The following LCLAT1 variants were observed in gnomAD, a reference collection of about 807,000 sequenced individuals.
The protein encoded by LCLAT1 is 1-AGP acyltransferase 8.
Under a neutral mutation model 30.7 loss-of-function variants are expected in LCLAT1, and 11 were observed. The observed-to-expected ratio is 0.36, with a 90% CI of 0.23 to 0.59. The LOEUF (loss-of-function observed/expected upper bound fraction) is 0.59. LCLAT1 is among the 20% of genes least tolerant of loss of function. The pLI, the probability that LCLAT1 is intolerant of heterozygous loss-of-function variation, is 0.77. For missense variants in LCLAT1, 402 were observed against 458.6 expected (o/e 0.88, Z 1.13); for synonymous variants, 155 against 151.3 (o/e 1.02, Z -0.18).
intron 5 of LCLAT1, among the ~76,000 whole-genome samples, chr2:30,570,174 C>T (rs1665720106): frequency 6.6e-6 from 1 of 152,116 alleles, no homozygotes; most frequent in Admixed American, 6.5e-5. Flanking sequence ...GTATATTAGT[C>T]ATCACTCCAG....
At chr2:30,493,501 G>A (rs1683935402) in intron 1 of LCLAT1, among the ~76,000 whole-genome samples, 1 of 152,194 alleles carries the variant, frequency 6.6e-6, no homozygotes, top group African/African-American at 2.4e-5. Context: ...TACCAAGCAT[G>A]TTCTAGATCA....
chr2:30,449,579 C>T (rs915099632), intron 1 of LCLAT1, among the ~76,000 whole-genome samples: 1 of 151,850 alleles, frequency 6.6e-6, no homozygotes, highest in Non-Finnish European at 1.5e-5. Flanking sequence ...CGGCTCACCA[C>T]AGCCTCTGCC....
At chr2:30,468,651 A>G (rs914576235) in intron 1 of LCLAT1, among the ~76,000 whole-genome samples, 1 of 152,142 alleles carries the variant, frequency 6.6e-6, no homozygotes, top group African/African-American at 2.4e-5. Context: ...AAACATTTTT[A>G]TCACCTCAAA....
At chr2:30,482,499 C>CGTAA (rs1683367698) in intron 1 of LCLAT1, among the ~76,000 whole-genome samples, 1 of 152,082 alleles carries the variant, frequency 6.6e-6, no homozygotes, top group Admixed American at 6.6e-5. Context: ...AAAGTTAATA[C>CGTAA]GTAACTTCCT....
chr2:30,516,664 T>G (rs1252641), intron 1 of LCLAT1, among the ~76,000 whole-genome samples: 1 of 151,990 alleles, frequency 6.6e-6, no homozygotes, highest in African/African-American at 2.4e-5. Flanking sequence ...GGGAGCAGCC[T>G]GCCATCATCT....
chr2:30,489,640 C>G (rs981847627), intron 1 of LCLAT1, among the ~76,000 whole-genome samples: 2 of 152,166 alleles, frequency 1.3e-5, no homozygotes, highest in East Asian at 3.9e-4. Context: ...GCGTGAGCAC[C>G]GCGCCCAGCC....
chr2:30,584,781 C>A (rs977962001), intron 5 of LCLAT1, among the ~76,000 whole-genome samples: 1 of 152,092 alleles, frequency 6.6e-6, no homozygotes, highest in Non-Finnish European at 1.5e-5. Flanking sequence ...ATATTCTAGA[C>A]TAATATAAAA....
intron 1 of LCLAT1, among the ~76,000 whole-genome samples, chr2:30,450,310 A>G (rs1037152976): frequency 6.6e-5 from 10 of 152,218 alleles, no homozygotes; most frequent in African/African-American, 1.7e-4. Flanking sequence ...AGCTAGGACA[A>G]GTGAGAGCTC....
chr2:30,623,895 C>T (rs1276510507), intron 5 of LCLAT1, among the ~76,000 whole-genome samples: 1 of 152,168 alleles, frequency 6.6e-6, no homozygotes, highest in African/African-American at 2.4e-5. Context: ...AAAAGAAAAC[C>T]TATCAGATTA....
intron 5 of LCLAT1, among the ~76,000 whole-genome samples, chr2:30,617,267 C>T (rs1446571963): frequency 6.6e-6 from 1 of 152,142 alleles, no homozygotes; most frequent in Non-Finnish European, 1.5e-5. Context: ...TCTAGATTTT[C>T]ATATAAATGG....
At chr2:30,513,099 A>G (rs1685017265) in intron 1 of LCLAT1, among the ~76,000 whole-genome samples, 1 of 152,106 alleles carries the variant, frequency 6.6e-6, no homozygotes, top group Non-Finnish European at 1.5e-5. Flanking sequence ...TATTGTGAAT[A>G]TTTTCAGTTT....
At chr2:30,545,349 AT>A (rs908468263) in intron 3 of LCLAT1, among the ~76,000 whole-genome samples, 31 of 151,064 alleles carry the variant, frequency 2.1e-4, no homozygotes, top group African/African-American at 6.3e-4. Flanking sequence ...TGCTATGCGC[AT>A]TTTTTTTTCA....
intron 2 of LCLAT1, among the ~76,000 whole-genome samples, chr2:30,528,929 C>G (rs1311071708): frequency 6.6e-6 from 1 of 152,172 alleles, no homozygotes; most frequent in East Asian, 1.9e-4. Flanking sequence ...TAGTGAACAT[C>G]TCTGTTGAAG....
chr2:30,639,724 A>G (rs1056510797), intron 5 of LCLAT1, among the ~76,000 whole-genome samples: 1 of 152,214 alleles, frequency 6.6e-6, no homozygotes, highest in Non-Finnish European at 1.5e-5. Context: ...GAGAAAGTCT[A>G]CTTTTATTTG....
intron 1 of LCLAT1, among the ~76,000 whole-genome samples, chr2:30,492,868 T>G (rs1464651660): frequency 6.6e-6 from 1 of 152,214 alleles, no homozygotes; most frequent in Non-Finnish European, 1.5e-5. Flanking sequence ...TATTTTGCAC[T>G]GACTCTGTGA....
intron 5 of LCLAT1, among the ~76,000 whole-genome samples, chr2:30,586,197 G>A (rs897694046): frequency 4.9e-5 from 7 of 143,472 alleles, no homozygotes; most frequent in African/African-American, 1.6e-4. Flanking sequence ...AGCCGAGATC[G>A]CGCCACTGCA....
intron 5 of LCLAT1, among the ~76,000 whole-genome samples, chr2:30,624,332 G>A (rs6745747): frequency 0.086 from 13,109 of 152,144 alleles, 1,058 homozygotes; most frequent in African/African-American, 0.21. Context: ...TGGCAGAATG[G>A]ATAACAATTC....
chr2:30,485,782 C>T (rs1266220990), intron 1 of LCLAT1, among the ~76,000 whole-genome samples: 1 of 152,064 alleles, frequency 6.6e-6, no homozygotes, highest in South Asian at 2.1e-4. Context: ...AGGAATGGAA[C>T]TTTGAATTAA....
chr2:30,557,324 GTGTA>G (rs960993259), intron 3 of LCLAT1, among the ~76,000 whole-genome samples: 39 of 147,290 alleles, frequency 2.6e-4, no homozygotes, highest in South Asian at 8.8e-4. Context: ...GTGTGTGTGT[GTGTA>G]TGACCAGTCT....
Sources: gnomAD v4.1 joint callset for allele counts (sites outside exome capture counted in the v4.1 genomes callset) on GRCh38, gnomAD v4.1.1 for gene constraint, MANE v1.5 for transcripts, NCBI Gene and HGNC (gene_info 2026-07-23, HGNC 2026-07-21) for gene names.